Variants in LRMDA observed in about 807,000 individuals in gnomAD.
LRMDA encodes the protein leucine rich melanocyte differentiation associated, also known as leucine-rich melanocyte differentiation-associated protein.
A neutral mutation model predicts 29.8 loss-of-function variants in LRMDA; 18 were observed. The ratio of observed to expected loss-of-function variants is 0.60; its 90% CI spans 0.42 to 0.90. The LOEUF is 0.90. LRMDA is among the 40% of genes least tolerant of loss of function. The pLI, the probability that LRMDA is intolerant of heterozygous loss-of-function variation, is 0.00. For missense variants in LRMDA, 273 were observed against 273.9 expected, an observed-to-expected ratio of 1.00 and a Z score of 0.02; for synonymous variants, 125 against 109.4, an observed-to-expected ratio of 1.14 and a Z score of -0.89.
At chr10:75,911,852 A>C (rs1845848138) in intron 2 of LRMDA, among the ~76,000 whole-genome samples, 1 of 152,216 alleles carries the variant, frequency 6.6e-6, no homozygotes, top group African/African-American at 2.4e-5. Flanking sequence ...AGGCTGAATA[A>C]GTCCATGCTG....
chr10:76,201,143 C>G (rs1851421383), intron 5 of LRMDA, among the ~76,000 whole-genome samples: 1 of 151,540 alleles, frequency 6.6e-6, no homozygotes, highest in South Asian at 2.1e-4. Context: ...GCTGCCCAGG[C>G]TGGAGTGCAA....
chr10:76,290,411 CTTTTTTTTTTTTT>C (rs11321369), intron 5 of LRMDA, among the ~76,000 whole-genome samples: 4 of 76,732 alleles, frequency 5.2e-5, no homozygotes, highest in South Asian at 6.2e-4. Context: ...TTTATTTTCT[CTTTTTTTTTTTTT>C]TTTTTTTTTT....
intron 6 of LRMDA, among the ~76,000 whole-genome samples, chr10:76,400,452 T>C (rs1283371123): frequency 2.6e-5 from 4 of 152,222 alleles, no homozygotes; most frequent in Non-Finnish European, 5.9e-5. Context: ...TGTTACCTAA[T>C]ATTAGACAGC....
chr10:76,290,077 A>G (rs1840320201), intron 5 of LRMDA, among the ~76,000 whole-genome samples: 1 of 152,184 alleles, frequency 6.6e-6, no homozygotes, highest in African/African-American at 2.4e-5. Flanking sequence ...GTCCATATTC[A>G]TGCATACCTA....
chr10:76,473,267 A>G lies in LRMDA; in HGVS notation c.602-83942A>G, dbSNP rs112358644. Among the ~76,000 whole-genome samples the G allele has an allele frequency of 3.3e-3, 507 of 151,574 alleles. 6 individuals are homozygous for G. The highest frequency in any genetic ancestry group is 0.012 in the African/African-American group (481 of 41,488). On this transcript the variant is annotated intron_variant, in intron 6 of 6. Transcript: ENST00000611255. ...AATAAAGGACAAAAACCACATGACT[A>G]TCTCCACACCATTAAAAAAAAAGTA...
chr10:76,333,395 A>G (rs1840927841), intron 6 of LRMDA, among the ~76,000 whole-genome samples: 1 of 152,194 alleles, frequency 6.6e-6, no homozygotes, highest in Admixed American at 6.5e-5. Flanking sequence ...TCAGTCTTAG[A>G]AGCCTTAGAT....
chr10:75,837,438 A>G (rs768584276), intron 2 of LRMDA, among the ~76,000 whole-genome samples: 13 of 152,176 alleles, frequency 8.5e-5, no homozygotes, highest in South Asian at 2.1e-4. Flanking sequence ...CTATAGGACA[A>G]TTGTCATATC....
intron 5 of LRMDA, among the ~76,000 whole-genome samples, chr10:76,077,633 A>G (rs1848980745): frequency 6.6e-6 from 1 of 152,178 alleles, no homozygotes; most frequent in South Asian, 2.1e-4. Flanking sequence ...TGATCTTATC[A>G]TTTGAGTTTC....
chr10:76,489,515 T>C (rs1214969078), intron 6 of LRMDA, among the ~76,000 whole-genome samples: 2 of 151,974 alleles, frequency 1.3e-5, no homozygotes, highest in Non-Finnish European at 2.9e-5. Context: ...TTTTATTTAT[T>C]TCTGCTCTGA....
chr10:76,264,431 A>C (rs2132312886), intron 5 of LRMDA, among the ~76,000 whole-genome samples: 1 of 127,212 alleles, frequency 7.9e-6, no homozygotes, highest in Non-Finnish European at 1.6e-5. Flanking sequence ...AAAAAAAAAA[A>C]AAAAAAAAAA....
intron 5 of LRMDA, among the ~76,000 whole-genome samples, chr10:76,217,041 A>C (rs559801171): frequency 6.6e-6 from 1 of 152,340 alleles, no homozygotes; most frequent in East Asian, 1.9e-4. Context: ...TATCCATACC[A>C]GATGCATTTA....
intron 5 of LRMDA, among the ~76,000 whole-genome samples, chr10:76,078,772 C>T (rs900068852): frequency 2.6e-5 from 4 of 152,106 alleles, no homozygotes; most frequent in Non-Finnish European, 5.9e-5. Context: ...GGAGGCAGAG[C>T]TTGCAGTGAG....
At chr10:76,044,198 G>A (rs764732943) in intron 3 of LRMDA, among the ~76,000 whole-genome samples, 5 of 152,272 alleles carry the variant, frequency 3.3e-5, no homozygotes, top group African/African-American at 1.2e-4. Context: ...CTGATGGGTC[G>A]CATGGGTGGG....
At position 76,362,123 on chromosome 10, in the gene LRMDA, C is replaced by T. The variant is rs964277288; in HGVS notation, c.601+37638C>T. 3.9e-5 allele frequency among the ~76,000 whole-genome samples: 6 copies of T among 152,332 alleles called. No individual in the cohort carries two copies. In the South Asian group the frequency reaches 8.3e-4, roughly 21 times the overall value. ...TCCAGCAAACCCACATAACACGACA[C>T]TGCCATAGCCTCTCAAAAACACCTT... On this transcript the variant is annotated intron_variant, in intron 6 of 6. Coordinates refer to ENST00000611255, the MANE Select transcript of LRMDA (RefSeq NM_001305581.2).
At chr10:75,763,299 A>G (rs181985525) in intron 2 of LRMDA, among the ~76,000 whole-genome samples, 2 of 152,316 alleles carry the variant, frequency 1.3e-5, no homozygotes, top group Admixed American at 1.3e-4. Flanking sequence ...CCAGAAATAT[A>G]AATGTAGGTA....
rs1334029866 is a variant in LRMDA, at chr10:76,007,025, TGTGTGTGC to T, written c.132-28981_132-28974del. Among the ~76,000 whole-genome samples, 169 of 27,536 alleles carry T rather than the reference TGTGTGTGC, an allele frequency of 6.1e-3. 3 individuals carry two copies. The highest frequency in any genetic ancestry group is 0.046 in the South Asian group (23 of 500). 18.1% of individuals were successfully genotyped at this position (27,536 alleles called of 152,430 possible). A position where few individuals can be genotyped will look rare whatever the true frequency, so the allele number is the denominator to read the frequency against. ...GTGTGTGTGTGTGTGTGTGTGTGTG[TGTGTGTGC>T]GCGTGTGTGTTTATATATTTATTTT... On this transcript the variant is annotated intron_variant, in intron 2 of 6. Transcript: ENST00000611255.
At chr10:76,158,331 G>T (rs533048249) in intron 5 of LRMDA, among the ~76,000 whole-genome samples, 20 of 152,102 alleles carry the variant, frequency 1.3e-4, no homozygotes, top group African/African-American at 4.8e-4. Flanking sequence ...TCTAAACCAG[G>T]CCCCTTTGAC....
intron 6 of LRMDA, among the ~76,000 whole-genome samples, chr10:76,430,180 A>G (rs947694806): frequency 1.3e-5 from 2 of 152,126 alleles, no homozygotes; most frequent in Non-Finnish European, 1.5e-5. Flanking sequence ...CTCCTCTCGT[A>G]TTAGGCTACC....
At chr10:75,832,377 A>G (rs1247996037) in intron 2 of LRMDA, among the ~76,000 whole-genome samples, 1 of 152,178 alleles carries the variant, frequency 6.6e-6, no homozygotes, top group Non-Finnish European at 1.5e-5. Flanking sequence ...TCCAGTTCTC[A>G]ACAAGTTCCT....
Sources: allele counts gnomAD v4.1 joint callset (sites outside exome capture counted in the v4.1 genomes callset), GRCh38; gene constraint gnomAD v4.1.1; transcripts MANE v1.5; gene names NCBI Gene and HGNC (gene_info 2026-07-23, HGNC 2026-07-21).